AGBL3: variants seen among roughly 807,000 people sequenced by gnomAD.
The protein encoded by AGBL3 is AGBL carboxypeptidase 3.
Under a neutral mutation model 94.5 loss-of-function variants are expected in AGBL3, and 68 were observed. The ratio of observed to expected loss-of-function variants is 0.72; its 90% CI spans 0.59 to 0.88. The LOEUF (loss-of-function observed/expected upper bound fraction) is 0.88. Among genes scored for constraint, AGBL3 ranks in the 40% least tolerant of loss-of-function variants. AGBL3 has a pLI of 0.00. For synonymous variants in AGBL3, 354 were observed against 370.7 expected (o/e 0.95, Z 0.52); for missense variants, 934 against 1,103.8 (o/e 0.85, Z 2.18).
At chr7:135,061,270 A>G (rs542664472) in intron 12 of AGBL3, among the ~76,000 whole-genome samples, 1 of 152,042 alleles carries the variant, frequency 6.6e-6, no homozygotes, top group Non-Finnish European at 1.5e-5. Context: ...AGTTCCTGAT[A>G]TATTTTGGAT....
At chr7:135,080,448 G>A (rs913019329) in intron 14 of AGBL3, among the ~76,000 whole-genome samples, 188 bp downstream of exon 14, 1 of 152,146 alleles carries the variant, frequency 6.6e-6, no homozygotes, top group Non-Finnish European at 1.5e-5. Flanking sequence ...CAAGCGCAGT[G>A]TCATAGACAC....
At chr7:135,125,750 C>T (rs1827788678) in intron 16 of AGBL3, among the ~76,000 whole-genome samples, 1 of 152,154 alleles carries the variant, frequency 6.6e-6, no homozygotes, top group Admixed American at 6.5e-5. Flanking sequence ...ATATGCAAAT[C>T]AATAAACATA....
At chr7:135,094,275 C>T (rs750135949) in intron 15 of AGBL3, 14 of 407,622 alleles carry the variant, frequency 3.4e-5, no homozygotes, top group Non-Finnish European at 6.3e-5. Flanking sequence ...TAAAAATCAG[C>T]AACTTATTGG....
intron 12 of AGBL3, among the ~76,000 whole-genome samples, chr7:135,066,196 G>A (rs1819282796): frequency 6.6e-6 from 1 of 152,166 alleles, no homozygotes; most frequent in Non-Finnish European, 1.5e-5. Context: ...GGCCACCTAT[G>A]GAATAGAAGA....
chr7:135,099,184 A>T (rs921519478), intron 15 of AGBL3, among the ~76,000 whole-genome samples: 23 of 113,220 alleles, frequency 2.0e-4, no homozygotes, highest in Admixed American at 4.5e-4. Context: ...TGTGTCCTAG[A>T]TTGGCTCTAA....
chr7:134,988,004 T>C lies in AGBL3; in HGVS notation c.63+8T>C, dbSNP rs1237780454. ...AGTGATGAAGATGAATCGGTATGTT[T>C]TTCTCAACTTTATTTTACTTGGAGA... On this transcript the variant is annotated splice_region_variant and intron_variant, in intron 2 of 16. Transcript: ENST00000436302. 2 of 1,530,520 alleles carry C rather than the reference T, an allele frequency of 1.3e-6. No homozygotes were observed. Among genetic ancestry groups the C allele is most frequent in the African/African-American group, 2.8e-5 (2 of 72,278 alleles). 94.8% of individuals were successfully genotyped at this position (1,530,520 alleles called of 1,614,324 possible).
rs1167936702 is a variant in AGBL3 at position 135,096,558 on chromosome 7, A to AAGAT, written c.2110+14790_2110+14793dup. On this transcript the variant is annotated intron_variant, in intron 15 of 16. Coordinates refer to ENST00000436302, the MANE Select transcript of AGBL3 (RefSeq NM_178563.4). The stretch of plus-strand genomic sequence containing the variant: ...AAAAAGAAAAAGAAAGAAAGAAAGA[A>AAGAT]AGATAGATAGATAGATAGATAGATA... Among the ~76,000 whole-genome samples, 159 of 79,782 alleles carry AAGAT rather than the reference A, an allele frequency of 2.0e-3. 1 individual carries two copies. The highest frequency in any genetic ancestry group is 5.7e-3 in the African/African-American group (124 of 21,640). 52.3% of individuals were successfully genotyped at this position (79,782 alleles called of 152,430 possible).
intron 8 of AGBL3, 139 bp from the exon 9 acceptor site, chr7:135,043,886 C>A: frequency 1.9e-6 from 2 of 1,053,154 alleles, no homozygotes; most frequent in Non-Finnish European, 2.6e-6. Flanking sequence ...TTCCACAGGT[C>A]AGGAAATAAA....
chr7:134,993,584 A>G lies in AGBL3; in HGVS notation c.216A>G (p.Pro72=). The G allele has an allele frequency of 6.4e-7, 1 of 1,552,018 alleles. No homozygotes were observed. Among genetic ancestry groups the G allele is most frequent in the Non-Finnish European group, 8.7e-7 (1 of 1,147,036 alleles). Residue 72 remains proline (P), a synonymous_variant, in exon 4 of 17, where the codon CCA becomes CCG. Coordinates refer to ENST00000436302, the MANE Select transcript of AGBL3 (RefSeq NM_178563.4). ...GATGGGTGCCACGTCTTCGTGAACC[A>G]AGGGATTTATATGGTGTCTCTTCTT... is the stretch of plus-strand genomic sequence containing the variant. The part of the protein sequence containing the change: ...LGRWVPRLRE[P]RDLYGVSSSG...
intron 12 of AGBL3, among the ~76,000 whole-genome samples, chr7:135,075,721 C>G (rs1482758035): frequency 6.6e-6 from 1 of 152,240 alleles, no homozygotes; most frequent in African/African-American, 2.4e-5. Flanking sequence ...AATCCGTTTT[C>G]TGTGCATCCT....
chr7:135,127,870 G>GCA (rs1255966016), intron 16 of AGBL3, among the ~76,000 whole-genome samples: 1 of 152,092 alleles, frequency 6.6e-6, no homozygotes, highest in Non-Finnish European at 1.5e-5. Context: ...AAAGACACAT[G>GCA]CACACATATG....
intron 15 of AGBL3, among the ~76,000 whole-genome samples, chr7:135,082,178 A>C (rs1820975992): frequency 6.6e-6 from 1 of 152,180 alleles, no homozygotes; most frequent in South Asian, 2.1e-4. Context: ...TTTAACAGTA[A>C]AAAGTTTAAA....
In AGBL3 at chr7:135,111,789, C is replaced by G. The variant is rs138310788; in HGVS notation, c.2111-3591C>G. Among the ~76,000 whole-genome samples, 19 of 152,254 alleles carry G rather than the reference C, an allele frequency of 1.2e-4. No homozygotes were observed. In the East Asian group the frequency reaches 3.5e-3, roughly 28 times the overall value. ...GTTTTACAGTAGTCCATCCTTTGGTCTTTCTCACCACATACTTTATTTCTG... is the reference window on the plus strand; with the variant it reads ...GTTTTACAGTAGTCCATCCTTTGGTGTTTCTCACCACATACTTTATTTCTG... On this transcript the variant is annotated intron_variant, in intron 15 of 16. Transcript: ENST00000436302.
At chr7:135,061,447 C>G (rs895289975) in intron 12 of AGBL3, among the ~76,000 whole-genome samples, 4 of 151,972 alleles carry the variant, frequency 2.6e-5, no homozygotes, top group African/African-American at 7.2e-5. Flanking sequence ...AAGTTCATAT[C>G]CAAAAAAATG....
intron 11 of AGBL3, among the ~76,000 whole-genome samples, chr7:135,053,813 T>G (rs1818099867): frequency 6.6e-6 from 1 of 152,142 alleles, no homozygotes. Context: ...TTCTAATAAA[T>G]AGGAAATGGA....
chr7:135,069,505 C>T (rs1427097161), intron 12 of AGBL3, among the ~76,000 whole-genome samples: 1 of 152,142 alleles, frequency 6.6e-6, no homozygotes, highest in African/African-American at 2.4e-5. Context: ...TGTAAAAGAA[C>T]AGAAATGATA....
intron 5 of AGBL3, among the ~76,000 whole-genome samples, chr7:135,030,363 C>T (rs999090220): frequency 6.6e-6 from 1 of 152,132 alleles, no homozygotes; most frequent in Admixed American, 6.5e-5. Flanking sequence ...ATTTTCAGCT[C>T]ATGATGGATT....
chr7:135,074,321 G>A (rs1209740229), intron 12 of AGBL3, among the ~76,000 whole-genome samples: 2 of 152,186 alleles, frequency 1.3e-5, no homozygotes, highest in Admixed American at 1.3e-4. Flanking sequence ...AGACTGTGCT[G>A]ATTGGCATCA....
At chr7:135,133,107 GAATT>G (rs937769820) in intron 16 of AGBL3, among the ~76,000 whole-genome samples, 21 of 151,082 alleles carry the variant, frequency 1.4e-4, no homozygotes, top group Non-Finnish European at 1.8e-4. Context: ...ACAACCTTTA[GAATT>G]AATAAGTTAT....
Sources: allele counts gnomAD v4.1 joint callset (sites outside exome capture counted in the v4.1 genomes callset), GRCh38; gene constraint gnomAD v4.1.1; transcripts MANE v1.5; gene names NCBI Gene and HGNC (gene_info 2026-07-23, HGNC 2026-07-21).